Variants in UACA observed in about 807,000 individuals in gnomAD.
UACA encodes uveal autoantigen with coiled-coil domains and ankyrin repeats.
In UACA, 112 loss-of-function variants were observed where a neutral mutation model predicts 160.5. The ratio of observed to expected loss-of-function variants is 0.70; its 90% CI spans 0.60 to 0.82. The LOEUF is 0.82. Among genes scored for constraint, UACA ranks in the 40% least tolerant of loss-of-function variants. The pLI, the probability that UACA is intolerant of heterozygous loss-of-function variation, is 0.00. For synonymous variants in UACA, 557 were observed against 568.4 expected (o/e 0.98, Z 0.29); for missense variants, 1,574 against 1,614.6 (o/e 0.97, Z 0.43).
chr15:70,722,990 T>C (rs1223491887), intron 1 of UACA, among the ~76,000 whole-genome samples: 1 of 152,264 alleles, frequency 6.6e-6, no homozygotes, highest in Non-Finnish European at 1.5e-5. Context: ...AGTGAATTTC[T>C]ATTAACCAAC....
chr15:70,754,266 G>T (rs1311958405), intron 1 of UACA: 8 of 414,842 alleles, frequency 1.9e-5, no homozygotes, highest in African/African-American at 1.6e-4. Flanking sequence ...AGGATTTTTT[G>T]ACTTTACAAC....
At chr15:70,694,957 G>T in intron 3 of UACA, 60 bp downstream of exon 3, 3 of 1,278,452 alleles carry the variant, frequency 2.3e-6, no homozygotes, top group Non-Finnish European at 3.4e-6. Context: ...AAAAATGTTA[G>T]CAGTGGACAA....
chr15:70,712,993 G>C (rs149098614), intron 1 of UACA, among the ~76,000 whole-genome samples: 1 of 152,168 alleles, frequency 6.6e-6, no homozygotes. Context: ...CATGGAACTT[G>C]ATGTTCTAAT....
Position 70,656,916 on chromosome 15 carries a change from A to G in UACA, c.*140T>C. On this transcript the variant is annotated 3_prime_UTR_variant, in exon 19 of 19. Coordinates refer to ENST00000322954, the MANE Select transcript of UACA (RefSeq NM_018003.4). Reference sequence around the variant, plus strand: ...AAGACTAACATATTCATCTAATTTTAAAAAAAAACCTACCAATAGAACAAA... The same window carrying G: ...AAGACTAACATATTCATCTAATTTTGAAAAAAAACCTACCAATAGAACAAA... 2.0e-6 allele frequency: 1 copy of G among 509,040 alleles called. No individual in the cohort carries two copies. The highest frequency in any genetic ancestry group is 3.4e-6 in the Non-Finnish European group (1 of 295,162). The allele number at this position is 509,040 out of a possible 1,614,324, so 31.5% of individuals were successfully genotyped here. A position where few individuals can be genotyped will look rare whatever the true frequency, so the allele number is the denominator to read the frequency against.
At position 70,699,579 on chromosome 15, in the gene UACA, G is replaced by T. The variant is rs1898258602; in HGVS notation, c.160C>A (p.Leu54Ile). ...CCTGGATTGACCCCCTTTTTAGCAA[G>T]GATTGAGGTCACTTTTTCTACATCC... ...RGDVEKVTSILAKKGVNPGKL... is the reference protein window; with the variant it reads ...RGDVEKVTSIIAKKGVNPGKL... The change falls in exon 2 of 19, where the codon CTT becomes ATT. Residue 54 changes from leucine to isoleucine, a missense_variant. Leu to Ile is a conservative substitution (Grantham distance 5). Coordinates refer to ENST00000322954, the MANE Select transcript of UACA (RefSeq NM_018003.4). 6.2e-7 allele frequency: 1 copy of T among 1,609,564 alleles called. No homozygotes were observed. Among genetic ancestry groups the T allele is most frequent in the Non-Finnish European group, 8.5e-7 (1 of 1,179,004 alleles).
At chr15:70,743,839 T>C (rs1481771297) in intron 1 of UACA, among the ~76,000 whole-genome samples, 1 of 152,142 alleles carries the variant, frequency 6.6e-6, no homozygotes, top group Non-Finnish European at 1.5e-5. Context: ...CCAGTGGCAA[T>C]TTCCACACTA....
At chr15:70,697,040 A>C (rs1898153725) in intron 2 of UACA, among the ~76,000 whole-genome samples, 1 of 152,234 alleles carries the variant, frequency 6.6e-6, no homozygotes, top group South Asian at 2.1e-4. Flanking sequence ...CTTTATAAAA[A>C]ATACTATTTT....
chr15:70,703,186 T>C (rs1352187419), intron 1 of UACA: 6 of 1,288,994 alleles, frequency 4.7e-6, no homozygotes, highest in Non-Finnish European at 6.1e-6. Context: ...GTGGCTGTTG[T>C]TGTTGTTTTT....
chr15:70,693,719 G>C (rs1438658953), intron 3 of UACA, among the ~76,000 whole-genome samples: 2 of 151,874 alleles, frequency 1.3e-5, no homozygotes, highest in African/African-American at 4.8e-5. Flanking sequence ...TTAGCCACTA[G>C]GCAAAATGTC....
intron 1 of UACA, among the ~76,000 whole-genome samples, chr15:70,705,161 A>G (rs1898487840): frequency 6.6e-6 from 1 of 152,166 alleles, no homozygotes; most frequent in African/African-American, 2.4e-5. Context: ...TCAAATATAG[A>G]AGTACAGAGT....
chr15:70,713,699 A>G (rs1201093129), intron 1 of UACA, among the ~76,000 whole-genome samples: 1 of 152,208 alleles, frequency 6.6e-6, no homozygotes, highest in East Asian at 1.9e-4. Context: ...GTCTACAAAA[A>G]TAACTCATCC....
chr15:70,708,141 G>C (rs1474731175), intron 1 of UACA, among the ~76,000 whole-genome samples: 1 of 152,118 alleles, frequency 6.6e-6, no homozygotes, highest in Non-Finnish European at 1.5e-5. Flanking sequence ...TGAATCTTGA[G>C]AGACATTATG....
rs769838106 is a variant in UACA at position 70,668,411 on chromosome 15, T to C, written c.2273A>G (p.Asp758Gly). Residue 758 changes from aspartate (D) to glycine (G), a missense_variant, in exon 16 of 19, where the codon GAT becomes GGT. Transcript: ENST00000322954. ...KVSEDMKKSH[D>G]AIIDDLNRKL... ...TCTATTAAGATCATCAATAATTGCATCATGTGACTTTTTCATGTCTTCACT... is the reference window on the plus strand; with the variant it reads ...TCTATTAAGATCATCAATAATTGCACCATGTGACTTTTTCATGTCTTCACT... The C allele has an allele frequency of 1.1e-5, 17 of 1,610,896 alleles. No individual in the cohort carries two copies. Among genetic ancestry groups the C allele is most frequent in the Non-Finnish European group, 1.4e-5 (16 of 1,179,510 alleles).
chr15:70,687,697 T>C, intron 6 of UACA, 51 bp from the exon 7 acceptor site: 8 of 1,613,188 alleles, frequency 5.0e-6, no homozygotes, highest in Non-Finnish European at 6.8e-6. Flanking sequence ...TCTCCCAAAA[T>C]GTAGAAGTTA....
At chr15:70,757,281 A>G (rs1453393307) in intron 1 of UACA, among the ~76,000 whole-genome samples, 1 of 152,210 alleles carries the variant, frequency 6.6e-6, no homozygotes, top group Admixed American at 6.5e-5. Context: ...GGTTATAGCT[A>G]AAGGGTGATT....
chr15:70,691,426 A>G (rs1388970914), intron 3 of UACA, 63 bp from the exon 4 acceptor site: 1 of 1,239,680 alleles, frequency 8.1e-7, no homozygotes, highest in African/African-American at 1.5e-5. Flanking sequence ...GAGGATTTTT[A>G]TAGAAATATG....
intron 1 of UACA, among the ~76,000 whole-genome samples, chr15:70,739,058 G>C (rs1899452433): frequency 6.6e-6 from 1 of 152,182 alleles, no homozygotes; most frequent in Non-Finnish European, 1.5e-5. Context: ...TATTCAAGAG[G>C]TAGGGAAACA....
At chr15:70,756,673 C>T (rs1199035972) in intron 1 of UACA, among the ~76,000 whole-genome samples, 1 of 152,010 alleles carries the variant, frequency 6.6e-6, no homozygotes, top group African/African-American at 2.4e-5. Flanking sequence ...AGGAGTTCAA[C>T]ACCAGCCTGG....
intron 1 of UACA, chr15:70,702,343 C>T (rs552091969): frequency 1.2e-5 from 12 of 987,256 alleles, no homozygotes; most frequent in East Asian, 1.1e-4. Flanking sequence ...CGGTAAACAG[C>T]GTGGAGCCTG....
Sources: gnomAD v4.1 joint callset for allele counts (sites outside exome capture counted in the v4.1 genomes callset) on GRCh38, gnomAD v4.1.1 for gene constraint, MANE v1.5 for transcripts, NCBI Gene and HGNC (gene_info 2026-07-23, HGNC 2026-07-21) for gene names.